Variants in MED12L observed in about 807,000 individuals in gnomAD.
MED12L encodes the protein mediator complex subunit 12L.
A neutral mutation model predicts 281.3 loss-of-function variants in MED12L; 60 were observed. That is an observed-to-expected ratio of 0.21 (90% confidence interval 0.17 to 0.26). The LOEUF (loss-of-function observed/expected upper bound fraction) is 0.26. Ranked by LOEUF, MED12L falls within the 10% of genes least tolerant of loss-of-function variation. MED12L has a pLI of 1.00. For synonymous variants in MED12L, 974 were observed against 987.2 expected (o/e 0.99, Z 0.25); for missense variants, 2,146 against 2,680.9 (o/e 0.80, Z 4.41).
chr3:151,210,501 G>T lies in MED12L; in HGVS notation c.2250+16835G>T, dbSNP rs764116816. Among the ~76,000 whole-genome samples the T allele has an allele frequency of 7.8e-4, 118 of 152,162 alleles. 1 individual carries two copies. The highest frequency in any genetic ancestry group is 1.4e-3 in the Non-Finnish European group (96 of 68,020). On this transcript the variant is annotated intron_variant, in intron 16 of 44. Coordinates refer to ENST00000687756, the MANE Select transcript of MED12L (RefSeq NM_001393769.1). ...TATGATTATGATCTTTCTATGATCTGTTTCTTTATTACTCTTATCTCAAAT... is the reference window on the plus strand; with the variant it reads ...TATGATTATGATCTTTCTATGATCTTTTTCTTTATTACTCTTATCTCAAAT...
rs1719842787 is a variant in MED12L, at chr3:151,434,239, G to A, written c.*1435G>A. ...GTAAATCTACTTTTTTTAAAATGTA[G>A]CTAGTACAACTTTAGTAGACATTTT... On this transcript the variant is annotated 3_prime_UTR_variant, in exon 45 of 45. Transcript: ENST00000687756. 1 of 152,072 alleles carries A rather than the reference G, an allele frequency of 6.6e-6. No homozygotes were observed. Among genetic ancestry groups the A allele is most frequent in the Non-Finnish European group, 1.5e-5 (1 of 68,018 alleles). The allele number at this position is 152,072 out of a possible 1,614,324, so 9.4% of individuals were successfully genotyped here. A position where few individuals can be genotyped will look rare whatever the true frequency, so the allele number is the denominator to read the frequency against.
At chr3:151,285,312 G>A (rs1453696280) in intron 16 of MED12L, among the ~76,000 whole-genome samples, 1 of 151,826 alleles carries the variant, frequency 6.6e-6, no homozygotes, top group African/African-American at 2.4e-5. Context: ...GTGAAACCCC[G>A]TCTCTACTAA....
intron 44 of MED12L, among the ~76,000 whole-genome samples, chr3:151,431,263 G>C (rs1719472936): frequency 6.6e-6 from 1 of 152,190 alleles, no homozygotes. Context: ...GTACCAGAGG[G>C]AAGACTAGTT....
intron 5 of MED12L, among the ~76,000 whole-genome samples, chr3:151,133,419 T>C (rs1715691035): frequency 6.6e-6 from 1 of 152,170 alleles, no homozygotes; most frequent in South Asian, 2.1e-4. Flanking sequence ...GTACACTGTA[T>C]ACACAAAAGT....
chr3:151,203,614 T>TA (rs1484611739), intron 16 of MED12L, among the ~76,000 whole-genome samples: 1 of 152,012 alleles, frequency 6.6e-6, no homozygotes. Context: ...AGACACCTAT[T>TA]ATTAAAAAAA....
At position 151,376,072 on chromosome 3, in the gene MED12L, C is replaced by T; in HGVS notation, c.3911C>T (p.Thr1304Ile). The T allele has an allele frequency of 6.2e-7, 1 of 1,605,502 alleles. No homozygotes were observed. The highest frequency in any genetic ancestry group is 8.5e-7 in the Non-Finnish European group (1 of 1,176,984). ...HCLKEPERLC[T>I]DKELILDPVL... ...TTAAAAGAACCTGAAAGATTATGTA[C>T]AGACAAAGAACTTATATTGGACCCT... Residue 1304 changes from threonine (T) to isoleucine (I), a missense_variant, in exon 28 of 45, where the codon ACA becomes ATA. Physicochemically the swap from Thr to Ile is moderately conservative, Grantham distance 89. Transcript: ENST00000687756.
At chr3:151,398,316 C>T (rs1045273715) in intron 39 of MED12L, among the ~76,000 whole-genome samples, 1 of 152,222 alleles carries the variant, frequency 6.6e-6, no homozygotes, top group African/African-American at 2.4e-5. Context: ...TAAGACCTCA[C>T]AGAGTCCCCT....
chr3:151,345,501 TTTC>T (rs1451220902), intron 16 of MED12L, among the ~76,000 whole-genome samples: 1 of 107,736 alleles, frequency 9.3e-6, no homozygotes, highest in African/African-American at 3.1e-5. Context: ...CTACGTTTTC[TTTC>T]TTTTTTCTTT....
At chr3:151,373,840 A>G (rs1756490947) in intron 27 of MED12L, among the ~76,000 whole-genome samples, 1 of 152,106 alleles carries the variant, frequency 6.6e-6, no homozygotes, top group South Asian at 2.1e-4. Flanking sequence ...CTATTCCTCC[A>G]AGGAGCCCTT....
Position 151,387,932 on chromosome 3 carries a change from G to A in MED12L, c.5211G>A (p.Lys1737=). ...TCCGAGTGGACCGAAGAGTGATCAA[G>A]TACGAGGAGCAGCATCACCTCCTGC... is the stretch of plus-strand genomic sequence containing the variant. The part of the protein sequence containing the change: ...GTVRVDRRVI[K]YEEQHHLLLY... Residue 1737 remains lysine, a synonymous_variant, in exon 37 of 45, where the codon AAG becomes AAA. Coordinates refer to ENST00000687756, the MANE Select transcript of MED12L (RefSeq NM_001393769.1). 6.2e-7 allele frequency: 1 copy of A among 1,614,036 alleles called. No individual in the cohort carries two copies. The highest frequency in any genetic ancestry group is 1.1e-5 in the South Asian group (1 of 91,068).
chr3:151,200,232 A>G (rs1408179769), intron 16 of MED12L, among the ~76,000 whole-genome samples: 1 of 152,164 alleles, frequency 6.6e-6, no homozygotes, highest in African/African-American at 2.4e-5. Flanking sequence ...CAAATCTGGA[A>G]CATTGAGCGG....
intron 4 of MED12L, among the ~76,000 whole-genome samples, chr3:151,125,456 T>G (rs1214501825): frequency 6.6e-6 from 1 of 152,222 alleles, no homozygotes; most frequent in Non-Finnish European, 1.5e-5. Context: ...TTCAGATGTT[T>G]TATTTTTTCC....
intron 16 of MED12L, chr3:151,329,627 C>T: frequency 1.3e-6 from 1 of 782,964 alleles, no homozygotes; most frequent in South Asian, 1.8e-5. Context: ...CCATTAGAAC[C>T]TCTTCATATT....
chr3:151,379,260 A>G (rs1711783364), intron 31 of MED12L, among the ~76,000 whole-genome samples: 1 of 152,212 alleles, frequency 6.6e-6, no homozygotes, highest in Non-Finnish European at 1.5e-5. Context: ...GGCAGGACAG[A>G]TGGTATTGAA....
intron 16 of MED12L, among the ~76,000 whole-genome samples, chr3:151,315,517 G>T (rs1488277499): frequency 6.6e-6 from 1 of 152,064 alleles, no homozygotes; most frequent in Admixed American, 6.6e-5. Context: ...TGCTCTTCTA[G>T]GCCCTTGTCC....
chr3:151,139,877 C>A (rs1716678973), intron 5 of MED12L, among the ~76,000 whole-genome samples: 1 of 152,196 alleles, frequency 6.6e-6, no homozygotes, highest in Non-Finnish European at 1.5e-5. Flanking sequence ...CTATTGGACT[C>A]TTTAAGACAT....
At chr3:151,164,934 A>G (rs922602513) in intron 9 of MED12L, among the ~76,000 whole-genome samples, 1 of 152,080 alleles carries the variant, frequency 6.6e-6, no homozygotes, top group Non-Finnish European at 1.5e-5. Context: ...GCACACCAAC[A>G]TGGCGCATGT....
chr3:151,221,102 G>A lies in MED12L; in HGVS notation c.2250+27436G>A, dbSNP rs566730123. On this transcript the variant is annotated intron_variant, in intron 16 of 44. Coordinates refer to ENST00000687756, the MANE Select transcript of MED12L (RefSeq NM_001393769.1). Reference sequence around the variant, plus strand: ...GTGATTCTTGTTATGTTTTAGCAAAGAGACTGGAGGCATTTTGCCCCTACC... The same window carrying A: ...GTGATTCTTGTTATGTTTTAGCAAAAAGACTGGAGGCATTTTGCCCCTACC... Among the ~76,000 whole-genome samples, 4 of 152,322 alleles carry A rather than the reference G, an allele frequency of 2.6e-5. No individual in the cohort carries two copies. The South Asian group carries it at 8.3e-4, about 32-fold the overall frequency.
chr3:151,273,441 C>T (rs1741345260), intron 16 of MED12L, among the ~76,000 whole-genome samples: 1 of 142,496 alleles, frequency 7.0e-6, no homozygotes, highest in African/African-American at 2.6e-5. Flanking sequence ...CAGAGTTTCA[C>T]CATGTTGGCC....
Sources: allele counts gnomAD v4.1 joint callset (sites outside exome capture counted in the v4.1 genomes callset), GRCh38; gene constraint gnomAD v4.1.1; transcripts MANE v1.5; gene names NCBI Gene and HGNC (gene_info 2026-07-23, HGNC 2026-07-21).